CHSY3: variants seen among roughly 807,000 people sequenced by gnomAD.
CHSY3 encodes the protein N-acetylgalactosaminyl-proteoglycan 3-beta-glucuronosyltransferase 3.
Under a neutral mutation model 67.2 loss-of-function variants are expected in CHSY3, and 35 were observed. The observed-to-expected ratio is 0.52, with a 90% CI of 0.40 to 0.69. CHSY3 has a LOEUF of 0.69. CHSY3 is among the 30% of genes least tolerant of loss of function. The pLI is 0.00. For missense variants in CHSY3, 1,069 were observed against 1,138.5 expected (o/e 0.94, Z 0.88); for synonymous variants, 474 against 434.7 (o/e 1.09, Z -1.12).
intron 2 of CHSY3, among the ~76,000 whole-genome samples, chr5:129,946,643 C>T (rs1279566640): frequency 1.3e-5 from 2 of 152,162 alleles, no homozygotes; most frequent in African/African-American, 4.8e-5. Context: ...ACGTTTCTGC[C>T]ATTTCTATGA....
chr5:130,112,014 G>A (rs901532476), intron 2 of CHSY3, among the ~76,000 whole-genome samples: 8 of 152,044 alleles, frequency 5.3e-5, no homozygotes, highest in Non-Finnish European at 1.2e-4. Context: ...TTTTCTTAAA[G>A]TTATACAGTT....
chr5:129,977,911 A>C (rs898754607), intron 2 of CHSY3, among the ~76,000 whole-genome samples: 8 of 152,192 alleles, frequency 5.3e-5, no homozygotes, highest in African/African-American at 1.9e-4. Flanking sequence ...AACAACAACA[A>C]CAAAAATAAA....
intron 2 of CHSY3, among the ~76,000 whole-genome samples, chr5:130,084,555 G>A (rs1258546452): frequency 4.0e-5 from 6 of 151,806 alleles, no homozygotes; most frequent in Non-Finnish European, 7.4e-5. Context: ...ACATTTTAGG[G>A]AGACATAAGA....
At chr5:130,058,622 G>A (rs769179476) in intron 2 of CHSY3, among the ~76,000 whole-genome samples, 55 of 152,202 alleles carry the variant, frequency 3.6e-4, no homozygotes, top group Non-Finnish European at 5.9e-4. Flanking sequence ...GTGAAACTTC[G>A]TCTCAAAAAG....
At chr5:130,062,934 T>C (rs1765760981) in intron 2 of CHSY3, among the ~76,000 whole-genome samples, 3 of 152,128 alleles carry the variant, frequency 2.0e-5, no homozygotes, top group Non-Finnish European at 4.4e-5. Context: ...AAAAACAGAC[T>C]TCCATTTAAA....
intron 2 of CHSY3, among the ~76,000 whole-genome samples, chr5:130,093,917 A>G (rs989191076): frequency 3.9e-5 from 6 of 152,100 alleles, no homozygotes; most frequent in African/African-American, 1.2e-4. Context: ...CATCTCTTCT[A>G]TTTCCTTCTC....
At chr5:130,063,367 A>C (rs1765773083) in intron 2 of CHSY3, among the ~76,000 whole-genome samples, 2 of 152,154 alleles carry the variant, frequency 1.3e-5, no homozygotes, top group African/African-American at 4.8e-5. Flanking sequence ...AGGTTCACAA[A>C]ATTGGATGCA....
At chr5:130,020,143 T>G (rs1242008426) in intron 2 of CHSY3, among the ~76,000 whole-genome samples, 1 of 151,890 alleles carries the variant, frequency 6.6e-6, no homozygotes, top group African/African-American at 2.4e-5. Flanking sequence ...CTGGGCCAGG[T>G]GCAGTGGCTC....
intron 2 of CHSY3, among the ~76,000 whole-genome samples, chr5:129,989,550 A>G (rs1441984878): frequency 1.3e-5 from 2 of 152,106 alleles, no homozygotes; most frequent in African/African-American, 4.8e-5. Context: ...TCACTTTCCA[A>G]CACTGCTGCA....
intron 2 of CHSY3, among the ~76,000 whole-genome samples, chr5:129,998,457 A>G (rs1386490262): frequency 1.3e-5 from 2 of 152,146 alleles, no homozygotes; most frequent in African/African-American, 4.8e-5. Context: ...ATTATGGTAA[A>G]TAATTTTTAT....
chr5:130,104,046 G>A lies in CHSY3; in HGVS notation c.1087-80183G>A, dbSNP rs148840020. ...GTAGCTAAATGGATCTGCTAGTTTG[G>A]TTGTTAGCCCAACCCATTTTTATGT... On this transcript the variant is annotated intron_variant, in intron 2 of 2. Transcript: ENST00000305031. 1.9e-3 allele frequency among the ~76,000 whole-genome samples: 283 copies of A among 151,950 alleles called. 3 individuals are homozygous for A. The highest frequency in any genetic ancestry group is 6.4e-3 in the African/African-American group (267 of 41,530).
intron 2 of CHSY3, among the ~76,000 whole-genome samples, chr5:130,131,993 C>T (rs898326041): frequency 6.6e-6 from 1 of 152,126 alleles, no homozygotes; most frequent in African/African-American, 2.4e-5. Context: ...CTCCCTCCAC[C>T]CAAAGGCCCC....
chr5:130,024,137 CA>C (rs5871376), intron 2 of CHSY3, among the ~76,000 whole-genome samples: 170 of 109,984 alleles, frequency 1.5e-3, no homozygotes, highest in Middle Eastern at 4.8e-3. Flanking sequence ...GATTGATGGT[CA>C]AAAAAAAAAA....
chr5:129,977,640 T>G (rs1191276389), intron 2 of CHSY3, among the ~76,000 whole-genome samples: 3 of 152,160 alleles, frequency 2.0e-5, no homozygotes, highest in African/African-American at 7.2e-5. Flanking sequence ...CAGTGGTAAT[T>G]ATTTCCCTTG....
Position 129,932,103 on chromosome 5 carries a change from CATATAT to C in CHSY3, c.1086+23778_1086+23783del, listed in dbSNP as rs33960181. Among the ~76,000 whole-genome samples, 210 of 114,980 alleles carry C rather than the reference CATATAT, an allele frequency of 1.8e-3. 2 individuals are homozygous for C. Among genetic ancestry groups the C allele is most frequent in the African/African-American group, 5.6e-3 (148 of 26,280 alleles). The allele number at this position is 114,980 out of a possible 152,430, so 75.4% of individuals were successfully genotyped here. A position where few individuals can be genotyped will look rare whatever the true frequency, so the allele number is the denominator to read the frequency against. On this transcript the variant is annotated intron_variant, in intron 2 of 2. Transcript: ENST00000305031. ...CCATATGTAATGTAAACCATAAAAC[CATATAT>C]ATATATATATATATATATATATATA...
At chr5:130,076,277 T>C (rs765320858) in intron 2 of CHSY3, among the ~76,000 whole-genome samples, 5 of 151,910 alleles carry the variant, frequency 3.3e-5, no homozygotes, top group Admixed American at 6.6e-5. Flanking sequence ...CAGGACACCC[T>C]GTCCTCCCAG....
intron 2 of CHSY3, among the ~76,000 whole-genome samples, chr5:130,125,519 C>G (rs753985336): frequency 1.1e-4 from 17 of 152,122 alleles, no homozygotes; most frequent in Non-Finnish European, 2.2e-4. Flanking sequence ...TTCAACTCAT[C>G]ACTGGAGAAC....
intron 2 of CHSY3, among the ~76,000 whole-genome samples, chr5:129,928,424 T>C (rs1039650149): frequency 2.6e-5 from 4 of 152,046 alleles, no homozygotes; most frequent in African/African-American, 9.7e-5. Context: ...ACAGCTGCTT[T>C]GATTAGCTTT....
At chr5:129,937,876 A>AC (rs1761555510) in intron 2 of CHSY3, among the ~76,000 whole-genome samples, 2 of 152,016 alleles carry the variant, frequency 1.3e-5, no homozygotes, top group African/African-American at 4.8e-5. Context: ...GGGAAGCTCT[A>AC]CCCTTGTGGC....
Sources: allele counts gnomAD v4.1 joint callset (sites outside exome capture counted in the v4.1 genomes callset), GRCh38; gene constraint gnomAD v4.1.1; transcripts MANE v1.5; gene names NCBI Gene and HGNC (gene_info 2026-07-23, HGNC 2026-07-21).